TEAD4: variants seen among roughly 807,000 people sequenced by gnomAD.
The protein encoded by TEAD4 is TEA domain transcription factor 4.
In TEAD4, 36 loss-of-function variants were observed where a neutral mutation model predicts 52.4. The ratio of observed to expected loss-of-function variants is 0.69; its 90% CI spans 0.53 to 0.91. TEAD4 has a LOEUF of 0.91. TEAD4 is among the 40% of genes least tolerant of loss of function. The pLI, the probability that TEAD4 is intolerant of heterozygous loss-of-function variation, is 0.00. For synonymous variants in TEAD4, 220 were observed against 231.0 expected (o/e 0.95, Z 0.43); for missense variants, 508 against 583.9 (o/e 0.87, Z 1.34).
chr12:3,004,708 C>T (rs890759628), intron 3 of TEAD4, among the ~76,000 whole-genome samples: 10 of 152,182 alleles, frequency 6.6e-5, no homozygotes, highest in Non-Finnish European at 1.2e-4. Context: ...TATCTGTATC[C>T]GCACAGATAC....
chr12:3,014,364 G>C (rs573602186), intron 5 of TEAD4, among the ~76,000 whole-genome samples: 45 of 152,358 alleles, frequency 3.0e-4, no homozygotes, highest in African/African-American at 1.1e-3. Context: ...GTTCTGACCT[G>C]GGGCCCAAGG....
chr12:3,012,852 T>G (rs544172884), intron 5 of TEAD4, among the ~76,000 whole-genome samples: 2 of 152,034 alleles, frequency 1.3e-5, no homozygotes, highest in South Asian at 2.1e-4. Flanking sequence ...TGGGAGGGAG[T>G]GAGCTCTCCA....
At chr12:2,992,457 C>A (rs2153955193) in intron 2 of TEAD4, among the ~76,000 whole-genome samples, 1 of 152,254 alleles carries the variant, frequency 6.6e-6, no homozygotes, top group South Asian at 2.1e-4. Context: ...CGATCCTCAC[C>A]CCCTCCCTCA....
chr12:2,971,536 T>A (rs1299690087), intron 2 of TEAD4, among the ~76,000 whole-genome samples: 1 of 151,418 alleles, frequency 6.6e-6, no homozygotes, highest in Admixed American at 6.6e-5. Flanking sequence ...AGTGCTGTGG[T>A]GCGATCTCGG....
At chr12:3,033,297 G>C (rs1391268841) in intron 10 of TEAD4, among the ~76,000 whole-genome samples, 1 of 152,206 alleles carries the variant, frequency 6.6e-6, no homozygotes, top group Non-Finnish European at 1.5e-5. Context: ...CCAGCCTGAA[G>C]GGCTGAGGCT....
chr12:2,968,493 G>A (rs551067954), intron 2 of TEAD4, among the ~76,000 whole-genome samples: 4 of 134,318 alleles, frequency 3.0e-5, no homozygotes, highest in Non-Finnish European at 4.6e-5. Flanking sequence ...AACCTCCCGC[G>A]CCCAAGTGAT....
intron 3 of TEAD4, among the ~76,000 whole-genome samples, chr12:2,996,653 G>A (rs910128809): frequency 2.0e-5 from 3 of 152,188 alleles, no homozygotes; most frequent in Admixed American, 6.5e-5. Flanking sequence ...CAGGTGATCC[G>A]CCCACCTTGG....
At chr12:3,038,969 G>A (rs1032120133) in intron 11 of TEAD4, among the ~76,000 whole-genome samples, 5 of 152,166 alleles carry the variant, frequency 3.3e-5, no homozygotes, top group Non-Finnish European at 7.4e-5. Context: ...CCTCCTCACC[G>A]TGCAGGCCAG....
chr12:2,966,304 C>T (rs548485640), intron 2 of TEAD4, among the ~76,000 whole-genome samples: 50 of 152,236 alleles, frequency 3.3e-4, no homozygotes, highest in African/African-American at 1.1e-3. Context: ...AAGAGGTCCC[C>T]GTGATGTGCC....
At chr12:3,024,203 T>G (rs7296960) in intron 10 of TEAD4, among the ~76,000 whole-genome samples, 106,698 of 151,382 alleles carry the variant, frequency 0.7, 38,592 homozygotes, top group East Asian at 0.97. Context: ...GCCTCCCGAG[T>G]AGCTGGGACT....
intron 10 of TEAD4, among the ~76,000 whole-genome samples, chr12:3,032,135 G>A (rs914758380): frequency 6.6e-5 from 10 of 152,234 alleles, no homozygotes; most frequent in African/African-American, 2.4e-4. Context: ...GACTAAGGTT[G>A]CCAGGAAGGA....
At chr12:3,004,742 A>C (rs903326151) in intron 3 of TEAD4, among the ~76,000 whole-genome samples, 4 of 152,254 alleles carry the variant, frequency 2.6e-5, no homozygotes, top group African/African-American at 9.6e-5. Context: ...GTATGCAGCA[A>C]GTGTTCATTG....
At chr12:2,970,249 G>A (rs2098223997) in intron 2 of TEAD4, among the ~76,000 whole-genome samples, 1 of 152,182 alleles carries the variant, frequency 6.6e-6, no homozygotes, top group Admixed American at 6.5e-5. Context: ...GTCTCAATTT[G>A]GACTAACAAC....
chr12:3,014,671 A>G (rs2098262943), intron 5 of TEAD4, among the ~76,000 whole-genome samples: 1 of 152,178 alleles, frequency 6.6e-6, no homozygotes, highest in African/African-American at 2.4e-5. Flanking sequence ...GTGACAGGCG[A>G]GCAAGGTGAC....
intron 2 of TEAD4, among the ~76,000 whole-genome samples, chr12:2,981,375 G>A (rs952225781): frequency 1.5e-4 from 23 of 152,240 alleles, no homozygotes; most frequent in Admixed American, 1.3e-3. Context: ...CTTAGTTAGC[G>A]TGGAAGACAG....
chr12:3,032,755 G>A (rs557533276), intron 10 of TEAD4, among the ~76,000 whole-genome samples: 1 of 152,262 alleles, frequency 6.6e-6, no homozygotes, highest in Non-Finnish European at 1.5e-5. Context: ...ATGAGGGAGC[G>A]CCGGAGGCCA....
intron 2 of TEAD4, among the ~76,000 whole-genome samples, chr12:2,991,957 A>G (rs1209266094): frequency 6.7e-6 from 1 of 148,728 alleles, no homozygotes; most frequent in African/African-American, 2.5e-5. Context: ...TGCCCTTTTC[A>G]GCAAGCTGAA....
intron 2 of TEAD4, among the ~76,000 whole-genome samples, chr12:2,983,611 C>T (rs2098235826): frequency 6.6e-6 from 1 of 152,200 alleles, no homozygotes; most frequent in South Asian, 2.1e-4. Context: ...GCTTCCCATA[C>T]ATCACACTTC....
chr12:2,970,932 GAGA>G (rs770524093), intron 2 of TEAD4, among the ~76,000 whole-genome samples: 3 of 152,350 alleles, frequency 2.0e-5, no homozygotes, highest in East Asian at 1.9e-4. Flanking sequence ...GCTTATGCAA[GAGA>G]AGAAGTAAGC....
Sources: gnomAD v4.1 joint callset for allele counts (sites outside exome capture counted in the v4.1 genomes callset) on GRCh38, gnomAD v4.1.1 for gene constraint, MANE v1.5 for transcripts, NCBI Gene and HGNC (gene_info 2026-07-23, HGNC 2026-07-21) for gene names.